The following PDE11A variants were observed in gnomAD, a reference collection of about 807,000 sequenced individuals.
The protein encoded by PDE11A is phosphodiesterase 11A.
Under a neutral mutation model 100.5 loss-of-function variants are expected in PDE11A, and 100 were observed. The ratio of observed to expected loss-of-function variants is 1.00; its 90% CI spans 0.85 to 1.18. The LOEUF is 1.18. PDE11A is among the 50% of genes most tolerant of loss of function. The pLI is 0.00. For missense variants in PDE11A, 1,141 were observed against 1,152.6 expected (o/e 0.99, Z 0.15); for synonymous variants, 381 against 420.8 (o/e 0.91, Z 1.16).
At chr2:177,847,990 TTGTGTG>T (rs749800668) in intron 5 of PDE11A, among the ~76,000 whole-genome samples, 1 of 147,810 alleles carries the variant, frequency 6.8e-6, no homozygotes, top group Non-Finnish European at 1.5e-5. Context: ...AATGGTGTGT[TTGTGTG>T]TGTGTGTGTG....
At chr2:177,710,682 G>A (rs1026356964) in intron 13 of PDE11A, among the ~76,000 whole-genome samples, 5 of 152,170 alleles carry the variant, frequency 3.3e-5, no homozygotes, top group African/African-American at 1.2e-4. Flanking sequence ...GAGCACTGAA[G>A]TGATGGGCTA....
In PDE11A at chr2:178,044,734, T is replaced by C. The variant is rs189581116; in HGVS notation, c.912+26792A>G. Among the ~76,000 whole-genome samples the C allele has an allele frequency of 3.2e-3, 481 of 152,238 alleles. 3 individuals are homozygous for C. Among genetic ancestry groups the C allele is most frequent in the Admixed American group, 3.7e-3 (56 of 15,294 alleles). On this transcript the variant is annotated intron_variant, in intron 1 of 19. Transcript: ENST00000286063. The stretch of plus-strand genomic sequence containing the variant: ...CAAGGATTAATTAGGTAGTATGTGG[T>C]GAAGCATTTTATAAATCATAAAGTG...
chr2:177,813,699 G>A (rs2082987935), intron 9 of PDE11A, among the ~76,000 whole-genome samples: 1 of 152,094 alleles, frequency 6.6e-6, no homozygotes, highest in South Asian at 2.1e-4. Flanking sequence ...CACACAGCAA[G>A]ACATGTATTC....
chr2:177,962,300 G>C (rs1424107713), intron 2 of PDE11A, among the ~76,000 whole-genome samples: 1 of 151,898 alleles, frequency 6.6e-6, no homozygotes, highest in Admixed American at 6.6e-5. Context: ...CACTTGGTAG[G>C]CATTAAATAA....
chr2:177,772,521 GT>G (rs2082324598), intron 9 of PDE11A, among the ~76,000 whole-genome samples: 1 of 152,064 alleles, frequency 6.6e-6, no homozygotes, highest in Non-Finnish European at 1.5e-5. Flanking sequence ...CAGTTTTACT[GT>G]GGTAAAATTT....
intron 4 of PDE11A, among the ~76,000 whole-genome samples, chr2:177,881,886 C>A (rs2084349333): frequency 6.6e-6 from 1 of 152,122 alleles, no homozygotes; most frequent in Non-Finnish European, 1.5e-5. Flanking sequence ...TGGTGTAGAG[C>A]CATTTCTAGG....
At chr2:177,945,701 G>C (rs1324122872) in intron 2 of PDE11A, among the ~76,000 whole-genome samples, 1 of 139,714 alleles carries the variant, frequency 7.2e-6, no homozygotes, top group African/African-American at 2.6e-5. Flanking sequence ...GTCTCCGCCC[G>C]GCAGCCACCC....
At chr2:178,013,870 T>TA (rs1559042094) in intron 2 of PDE11A, among the ~76,000 whole-genome samples, 1 of 152,206 alleles carries the variant, frequency 6.6e-6, no homozygotes, top group Non-Finnish European at 1.5e-5. Context: ...CATTCGTTTT[T>TA]ATTGAGATTT....
chr2:177,949,411 C>G (rs1487401316), intron 2 of PDE11A, among the ~76,000 whole-genome samples: 3 of 152,132 alleles, frequency 2.0e-5, no homozygotes, highest in East Asian at 1.9e-4. Flanking sequence ...CCAGAGATAG[C>G]CTTTCTCAAT....
At chr2:177,687,204 G>A (rs577973616) in intron 15 of PDE11A, 1 of 152,264 alleles carries the variant, frequency 6.6e-6, no homozygotes, top group East Asian at 1.9e-4. Flanking sequence ...CATACATAGA[G>A]TTTCCATCTA....
At chr2:178,053,870 A>G (rs144777262) in intron 1 of PDE11A, among the ~76,000 whole-genome samples, 9,783 of 152,260 alleles carry the variant, frequency 0.064, 433 homozygotes, top group Non-Finnish European at 0.099. Flanking sequence ...GAGGACACAA[A>G]CAAGTGGAAA....
At chr2:177,876,715 A>G (rs1196654988) in intron 4 of PDE11A, among the ~76,000 whole-genome samples, 2 of 148,350 alleles carry the variant, frequency 1.3e-5, no homozygotes, top group African/African-American at 5.1e-5. Context: ...TCAGTTTCAC[A>G]CAATTAAATA....
chr2:177,660,097 T>C lies in PDE11A; in HGVS notation c.2646+3769A>G, dbSNP rs899576274. Reference sequence around the variant, plus strand: ...TTTCTTTCTTTCTTTCTTTCTTTCTTTCTCTCTCTCTCTCTTTCTTTCTTT... The same window carrying C: ...TTTCTTTCTTTCTTTCTTTCTTTCTCTCTCTCTCTCTCTCTTTCTTTCTTT... On this transcript the variant is annotated intron_variant, in intron 19 of 19. Coordinates refer to ENST00000286063, the MANE Select transcript of PDE11A (RefSeq NM_016953.4). Among the ~76,000 whole-genome samples the C allele has an allele frequency of 8.6e-3, 593 of 69,192 alleles. 11 individuals are homozygous for C. The highest frequency in any genetic ancestry group is 0.013 in the Non-Finnish European group (440 of 33,372). 45.4% of individuals were successfully genotyped at this position (69,192 alleles called of 152,430 possible).
intron 15 of PDE11A, among the ~76,000 whole-genome samples, chr2:177,689,652 A>G (rs2081014119): frequency 6.6e-6 from 1 of 152,238 alleles, no homozygotes; most frequent in African/African-American, 2.4e-5. Flanking sequence ...TTAATTTTGA[A>G]GTGAACTTTC....
chr2:177,636,847 AG>A lies in PDE11A; in HGVS notation c.2647-7286del, dbSNP rs1308957020. On this transcript the variant is annotated intron_variant, in intron 19 of 19. Coordinates refer to ENST00000286063, the MANE Select transcript of PDE11A (RefSeq NM_016953.4). The stretch of plus-strand genomic sequence containing the variant: ...GTCCTCTGGGGAGCAGCATCTTCCC[AG>A]TTAAGAACCACTGCTCTGCTGCCTC... Among the ~76,000 whole-genome samples the A allele has an allele frequency of 2.6e-5, 4 of 152,290 alleles. No homozygotes were observed. In the East Asian group the frequency reaches 7.7e-4, roughly 29 times the overall value.
chr2:177,737,787 T>G (rs1438638808), intron 10 of PDE11A, among the ~76,000 whole-genome samples: 1 of 152,218 alleles, frequency 6.6e-6, no homozygotes, highest in Non-Finnish European at 1.5e-5. Flanking sequence ...TGTGTAATTA[T>G]TGTTGAAAGT....
At chr2:177,856,931 T>C (rs1398731208) in intron 5 of PDE11A, among the ~76,000 whole-genome samples, 1 of 151,692 alleles carries the variant, frequency 6.6e-6, no homozygotes, top group East Asian at 1.9e-4. Flanking sequence ...AAATAAACAT[T>C]AATCTACACA....
intron 1 of PDE11A, among the ~76,000 whole-genome samples, chr2:178,048,195 T>C (rs2086776636): frequency 1.3e-5 from 2 of 152,152 alleles, no homozygotes; most frequent in East Asian, 1.9e-4. Flanking sequence ...GATTGTTTTA[T>C]GGAGTGAATC....
chr2:177,995,299 A>T (rs955354346), intron 2 of PDE11A, among the ~76,000 whole-genome samples: 1 of 152,012 alleles, frequency 6.6e-6, no homozygotes, highest in African/African-American at 2.4e-5. Flanking sequence ...ATGTTTAGAG[A>T]TTATTGCCAC....
Sources: gnomAD v4.1 joint callset for allele counts (sites outside exome capture counted in the v4.1 genomes callset) on GRCh38, gnomAD v4.1.1 for gene constraint, MANE v1.5 for transcripts, NCBI Gene and HGNC (gene_info 2026-07-23, HGNC 2026-07-21) for gene names.